Variants in MRPL44 observed in about 807,000 individuals in gnomAD.
The protein encoded by MRPL44 is large ribosomal subunit protein mL44.
MRPL44 carries 21 observed loss-of-function variants against 25.9 expected under a neutral mutation model. The observed-to-expected ratio is 0.81, with a 90% CI of 0.58 to 1.17. The LOEUF is 1.17. Among genes scored for constraint, MRPL44 ranks in the 50% most tolerant of loss-of-function variants. The pLI is 0.00. For synonymous variants in MRPL44, 169 were observed against 151.0 expected, an observed-to-expected ratio of 1.12 and a Z score of -0.87; for missense variants, 410 against 398.9, an observed-to-expected ratio of 1.03 and a Z score of -0.24.
upstream of MRPL44, among the ~76,000 whole-genome samples, chr2:223,957,011 G>A (rs1489220864): frequency 6.6e-6 from 1 of 152,184 alleles, no homozygotes; most frequent in Non-Finnish European, 1.5e-5. Flanking sequence ...GGCGTGCTGG[G>A]TCAAAAATAG....
At chr2:223,953,895 C>T (rs1274463763), upstream of MRPL44, among the ~76,000 whole-genome samples, 1 of 152,166 alleles carries the variant, frequency 6.6e-6, no homozygotes, top group Non-Finnish European at 1.5e-5. Context: ...TCTACTTTCC[C>T]TCTCATTACA....
intron 2 of MRPL44, among the ~76,000 whole-genome samples, chr2:223,961,041 T>G (rs1190760233): frequency 6.6e-6 from 1 of 152,242 alleles, no homozygotes; most frequent in African/African-American, 2.4e-5. Context: ...ATTGTCCTGT[T>G]TCATTTGTTC....
intron 1 of MRPL44, among the ~76,000 whole-genome samples, chr2:223,958,164 A>G (rs774970401): frequency 2.6e-5 from 4 of 152,232 alleles, no homozygotes; most frequent in Non-Finnish European, 4.4e-5. Context: ...TTCAAACCAG[A>G]TCATACTTTA....
upstream of MRPL44, among the ~76,000 whole-genome samples, chr2:223,955,436 C>A (rs1348435929): frequency 1.3e-5 from 2 of 152,004 alleles, no homozygotes; most frequent in African/African-American, 4.8e-5. Context: ...GTGAGTAATC[C>A]CAGGTGGTTC....
chr2:223,959,771 G>A lies in MRPL44; in HGVS notation c.417G>A (p.Gln139=), dbSNP rs1409956141. ...CTTTTTCACAGACTTGCCTTACACA[G>A]TTTCTTGAAGACGAGTACCCAGACA... ...GTSFSQTCLT[Q]FLEDEYPDMP... Residue 139 remains glutamine (Q), a synonymous_variant, in exon 2 of 4, where the codon CAG becomes CAA. Coordinates refer to ENST00000258383, the MANE Select transcript of MRPL44 (RefSeq NM_022915.5). 1 of 1,614,064 alleles carries A rather than the reference G, an allele frequency of 6.2e-7. No homozygotes were observed. Among genetic ancestry groups the A allele is most frequent in the Non-Finnish European group, 8.5e-7 (1 of 1,180,048 alleles).
At chr2:223,957,461 T>C (rs1332201167), upstream of MRPL44, 4 of 1,614,046 alleles carry the variant, frequency 2.5e-6, no homozygotes, top group Admixed American at 6.7e-5. Flanking sequence ...TTCCATCGTT[T>C]TCTCTCGTGC....
Position 223,959,952 on chromosome 2 carries a change from G to C in MRPL44, c.598G>C (p.Gly200Arg), listed in dbSNP as rs1689631836. The C allele has an allele frequency of 6.2e-7, 1 of 1,614,172 alleles. No individual in the cohort carries two copies. Among genetic ancestry groups the C allele is most frequent in the Non-Finnish European group, 8.5e-7 (1 of 1,180,018 alleles). ...ACAGCAGACTTTCTTTGCAGTTATTGGAGCCCTGTTACAGAGCAGTGGACC... is the reference window on the plus strand; with the variant it reads ...ACAGCAGACTTTCTTTGCAGTTATTCGAGCCCTGTTACAGAGCAGTGGACC... ...VLQQTFFAVI[G>R]ALLQSSGPER... The change falls in exon 2 of 4, where the codon GGA becomes CGA. Residue 200 changes from glycine to arginine, a missense_variant. Coordinates refer to ENST00000258383, the MANE Select transcript of MRPL44 (RefSeq NM_022915.5).
chr2:223,967,353 C>T lies in MRPL44; in HGVS notation c.*319C>T. 1 of 187,846 alleles carries T rather than the reference C, an allele frequency of 5.3e-6. No homozygotes were observed. Among genetic ancestry groups the T allele is most frequent in the Non-Finnish European group, 1.1e-5 (1 of 90,720 alleles). 11.6% of individuals were successfully genotyped at this position (187,846 alleles called of 1,614,324 possible). ...GTTCAAGCGATTCTCGTGGCTCAGC[C>T]TCCCTAGTAGCTGGGATTACAGGCA... is the stretch of plus-strand genomic sequence containing the variant. On this transcript the variant is annotated 3_prime_UTR_variant, in exon 4 of 4. Coordinates refer to ENST00000258383, the MANE Select transcript of MRPL44 (RefSeq NM_022915.5).
At chr2:223,951,478 GT>G in the MRPL44 span, among the ~76,000 whole-genome samples, 1,169 of 112,520 alleles carry the variant, frequency 0.01, 20 homozygotes, top group African/African-American at 0.032. Context: ...TTACCTTGGA[GT>G]TTTTTTTTTT....
chr2:223,952,078 T>C, the MRPL44 span, among the ~76,000 whole-genome samples: 1 of 152,246 alleles, frequency 6.6e-6, no homozygotes. Flanking sequence ...CCTATTGCTA[T>C]CAGATCCACT....
intron 3 of MRPL44, among the ~76,000 whole-genome samples, chr2:223,966,069 A>G (rs1452310793): frequency 2.0e-5 from 3 of 152,196 alleles, no homozygotes; most frequent in East Asian, 3.9e-4. Context: ...CTAAAAATAC[A>G]AAAAACTAGC....
upstream of MRPL44, among the ~76,000 whole-genome samples, chr2:223,952,519 C>G: frequency 6.6e-6 from 1 of 152,118 alleles, no homozygotes; most frequent in South Asian, 2.1e-4. Context: ...TGCCTTTGTT[C>G]TCTTGGTAAG....
Position 223,957,615 on chromosome 2 carries a change from A to G in MRPL44, c.143A>G (p.Gln48Arg). Residue 48 changes from glutamine (Q) to arginine (R), a missense_variant, in exon 1 of 4, where the codon CAG becomes CGG. Transcript: ENST00000258383. ...AFRFQKELER[Q>R]RLLRCPPPPV... ...CGCTTCCAGAAGGAGTTAGAGCGGC[A>G]GCGCCTTCTGCGGTGCCCGCCGCCG... 1.2e-6 allele frequency: 2 copies of G among 1,611,676 alleles called. No homozygotes were observed. Among genetic ancestry groups the G allele is most frequent in the South Asian group, 1.1e-5 (1 of 91,054 alleles).
rs1172046354 is a variant in MRPL44, at chr2:223,967,200, G to T, written c.*166G>T. 2.0e-5 allele frequency: 14 copies of T among 706,296 alleles called. No homozygotes were observed. Among genetic ancestry groups the T allele is most frequent in the East Asian group, 6.0e-5 (2 of 33,484 alleles). 43.8% of individuals were successfully genotyped at this position (706,296 alleles called of 1,614,324 possible). ...TGTTAACCAAGTCACAGTGTTTTTG[G>T]TTTTGTTTTTCTGAAATCTTGGTTT... On this transcript the variant is annotated 3_prime_UTR_variant, in exon 4 of 4. Coordinates refer to ENST00000258383, the MANE Select transcript of MRPL44 (RefSeq NM_022915.5).
At chr2:223,957,871 C>T (rs771282690) in intron 1 of MRPL44, among the ~76,000 whole-genome samples, 1 of 152,172 alleles carries the variant, frequency 6.6e-6, no homozygotes, top group Non-Finnish European at 1.5e-5. Flanking sequence ...TTGAAACTAC[C>T]ATTTAGGATT....
chr2:223,962,027 A>G (rs1396547378), intron 2 of MRPL44, among the ~76,000 whole-genome samples: 1 of 152,130 alleles, frequency 6.6e-6, no homozygotes, highest in Non-Finnish European at 1.5e-5. Flanking sequence ...AAAATCCCCT[A>G]CTGAGAGTGG....
At position 223,959,425 on chromosome 2, in the gene MRPL44, T is replaced by C. The variant is rs528579388; in HGVS notation, c.180-109T>C. The C allele has an allele frequency of 2.1e-4, 184 of 859,396 alleles. No individual in the cohort carries two copies. In the African/African-American group the frequency reaches 2.8e-3, roughly 13 times the overall value. The allele number at this position is 859,396 out of a possible 1,614,324, so 53.2% of individuals were successfully genotyped here. On this transcript the variant is annotated intron_variant, in intron 1 of 3. Coordinates refer to ENST00000258383, the MANE Select transcript of MRPL44 (RefSeq NM_022915.5). ...CTGGCATTAAAAAGAAATATAACCTTCTTTCATTTCCTTTATATAATTAAT... is the reference window on the plus strand; with the variant it reads ...CTGGCATTAAAAAGAAATATAACCTCCTTTCATTTCCTTTATATAATTAAT...
chr2:223,957,760 A>C (rs1401819181), intron 1 of MRPL44, 109 bp downstream of exon 1: 1 of 1,277,838 alleles, frequency 7.8e-7, no homozygotes, highest in Non-Finnish European at 1.1e-6. Context: ...AGCCTTAGGA[A>C]GTTTGCGATG....
upstream of MRPL44, among the ~76,000 whole-genome samples, chr2:223,954,911 A>C (rs1248274586): frequency 2.6e-5 from 4 of 152,226 alleles, no homozygotes; most frequent in Non-Finnish European, 5.9e-5. Flanking sequence ...TTATGAATTA[A>C]AGTGTTTATA....
Sources: allele counts gnomAD v4.1 joint callset (sites outside exome capture counted in the v4.1 genomes callset), GRCh38; gene constraint gnomAD v4.1.1; transcripts MANE v1.5; gene names NCBI Gene and HGNC (gene_info 2026-07-23, HGNC 2026-07-21).